The following MAGI1 variants were observed in gnomAD, a reference collection of about 807,000 sequenced individuals.
MAGI1 encodes the protein membrane-associated guanylate kinase, WW and PDZ domain-containing protein 1.
MAGI1 carries 58 observed loss-of-function variants against 139.9 expected under a neutral mutation model. That is an observed-to-expected ratio of 0.41 (90% CI 0.34 to 0.52). The LOEUF is 0.52. Among genes scored for constraint, MAGI1 ranks in the 20% least tolerant of loss-of-function variants. The probability of loss-of-function intolerance (pLI) is 0.12; values close to 1 mark genes in which losing one functional copy is unlikely to be tolerated. For synonymous variants in MAGI1, 812 were observed against 737.9 expected (o/e 1.10, Z -1.63); for missense variants, 1,874 against 1,901.6 (o/e 0.99, Z 0.27).
intron 1 of MAGI1, among the ~76,000 whole-genome samples, chr3:65,789,024 G>A (rs2039578267): frequency 1.3e-5 from 2 of 151,946 alleles, no homozygotes; most frequent in Non-Finnish European, 2.9e-5. Context: ...CAAAAAAAAT[G>A]TAAAACATTA....
intron 1 of MAGI1, among the ~76,000 whole-genome samples, chr3:65,900,719 T>C (rs928619252): frequency 6.6e-6 from 1 of 152,210 alleles, no homozygotes; most frequent in Non-Finnish European, 1.5e-5. Context: ...CTTACCCCTA[T>C]AGGTTACAAA....
chr3:65,396,934 C>T (rs1392719772), intron 13 of MAGI1, among the ~76,000 whole-genome samples: 1 of 152,168 alleles, frequency 6.6e-6, no homozygotes, highest in Non-Finnish European at 1.5e-5. Flanking sequence ...AAAAGGCAGG[C>T]ACTGACTGGA....
chr3:65,795,660 C>T (rs1199488996), intron 1 of MAGI1, among the ~76,000 whole-genome samples: 4 of 145,388 alleles, frequency 2.8e-5, no homozygotes, highest in East Asian at 4.3e-4. Flanking sequence ...TGCTCTATTT[C>T]GGTCTCCAAA....
At chr3:65,578,507 A>G (rs2081274544) in intron 2 of MAGI1, among the ~76,000 whole-genome samples, 1 of 152,174 alleles carries the variant, frequency 6.6e-6, no homozygotes, top group South Asian at 2.1e-4. Context: ...TGTGGCATCT[A>G]GCCAATCACT....
At chr3:65,875,460 G>A (rs34890709) in intron 1 of MAGI1, among the ~76,000 whole-genome samples, 13,025 of 152,218 alleles carry the variant, frequency 0.086, 1,120 homozygotes, top group East Asian at 0.25. Context: ...AAATGACTAC[G>A]AAATTTACAA....
At chr3:65,787,707 C>A (rs2039492212) in intron 1 of MAGI1, among the ~76,000 whole-genome samples, 1 of 151,830 alleles carries the variant, frequency 6.6e-6, no homozygotes, top group Non-Finnish European at 1.5e-5. Flanking sequence ...GTTATGGGAA[C>A]ACAGGGGTTG....
At chr3:65,539,266 G>C (rs1462008889) in intron 2 of MAGI1, among the ~76,000 whole-genome samples, 10 of 151,158 alleles carry the variant, frequency 6.6e-5, no homozygotes, top group Admixed American at 6.6e-4. Context: ...CCAACAAACA[G>C]ACATACATAC....
chr3:65,622,168 G>A (rs2083708768), intron 1 of MAGI1, 80 bp from the exon 2 acceptor site: 2 of 987,958 alleles, frequency 2.0e-6, no homozygotes, highest in Middle Eastern at 2.1e-4. Flanking sequence ...CTGATTGCAA[G>A]AAAGCCACAG....
intron 1 of MAGI1, among the ~76,000 whole-genome samples, chr3:65,826,111 T>C (rs1203974497): frequency 6.6e-6 from 1 of 152,086 alleles, no homozygotes; most frequent in Non-Finnish European, 1.5e-5. Context: ...ACATGCATGG[T>C]ATACACATAT....
intron 1 of MAGI1, among the ~76,000 whole-genome samples, chr3:65,992,283 C>T (rs560810401): frequency 6.6e-6 from 1 of 152,322 alleles, no homozygotes; most frequent in Non-Finnish European, 1.5e-5. Flanking sequence ...CACAGTTGCA[C>T]ATCTAAGGAA....
chr3:65,938,293 T>A (rs894899710), intron 1 of MAGI1, among the ~76,000 whole-genome samples: 1 of 141,726 alleles, frequency 7.1e-6, no homozygotes, highest in Non-Finnish European at 1.6e-5. Flanking sequence ...ATATGAATAT[T>A]ATAATATATT....
At chr3:65,670,653 G>A (rs982416270) in intron 1 of MAGI1, among the ~76,000 whole-genome samples, 12 of 152,058 alleles carry the variant, frequency 7.9e-5, no homozygotes, top group Admixed American at 7.2e-4. Context: ...TAGTTGGTAC[G>A]TGTTTCTTTC....
At chr3:65,470,696 A>C (rs1475645135) in intron 4 of MAGI1, among the ~76,000 whole-genome samples, 1 of 152,190 alleles carries the variant, frequency 6.6e-6, no homozygotes. Flanking sequence ...TGATCAATGA[A>C]ATTTATTTTA....
At chr3:65,382,491 A>AAATG (rs1392785881) in intron 15 of MAGI1, among the ~76,000 whole-genome samples, 1 of 152,130 alleles carries the variant, frequency 6.6e-6, no homozygotes, top group Non-Finnish European at 1.5e-5. Context: ...AAATACTCTT[A>AAATG]AATGAATGAA....
intron 1 of MAGI1, among the ~76,000 whole-genome samples, chr3:65,940,043 T>C (rs564119842): frequency 6.6e-6 from 1 of 152,306 alleles, no homozygotes; most frequent in South Asian, 2.1e-4. Context: ...CCTACCTCTT[T>C]AATCCTTAGA....
At chr3:65,597,559 C>T (rs945045476) in intron 2 of MAGI1, 2 of 419,436 alleles carry the variant, frequency 4.8e-6, no homozygotes, top group African/African-American at 2.0e-5. Flanking sequence ...TGAATTAAAA[C>T]GCAGCCGCAG....
intron 1 of MAGI1, among the ~76,000 whole-genome samples, chr3:65,928,299 A>G (rs1413643404): frequency 2.6e-5 from 4 of 152,168 alleles, no homozygotes; most frequent in Non-Finnish European, 1.5e-5. Context: ...ATTGGCAAAC[A>G]CTACAATCAG....
intron 14 of MAGI1, among the ~76,000 whole-genome samples, chr3:65,387,529 C>T (rs1050272908): frequency 6.6e-6 from 1 of 152,088 alleles, no homozygotes; most frequent in African/African-American, 2.4e-5. Context: ...AATGGCCTTA[C>T]TTCAATCATG....
At chr3:65,547,415 G>A (rs916511611) in intron 2 of MAGI1, among the ~76,000 whole-genome samples, 1 of 152,140 alleles carries the variant, frequency 6.6e-6, no homozygotes, top group African/African-American at 2.4e-5. Flanking sequence ...TATTACCAGA[G>A]TATAACATAT....
Sources: allele counts gnomAD v4.1 joint callset (sites outside exome capture counted in the v4.1 genomes callset), GRCh38; gene constraint gnomAD v4.1.1; transcripts MANE v1.5; gene names NCBI Gene and HGNC (gene_info 2026-07-23, HGNC 2026-07-21).